The following OPLAH variants were observed in gnomAD, a reference collection of about 807,000 sequenced individuals.
OPLAH encodes 5-oxoprolinase, ATP-hydrolysing, also known as 5-oxoprolinase.
A neutral mutation model predicts 122.8 loss-of-function variants in OPLAH; 103 were observed. The ratio of observed to expected loss-of-function variants is 0.84; its 90% CI spans 0.71 to 0.99. OPLAH has a LOEUF of 0.99. Among genes scored for constraint, OPLAH ranks in the 50% least tolerant of loss-of-function variants. The probability of loss-of-function intolerance (pLI) is 0.00; values close to 1 mark genes in which losing one functional copy is unlikely to be tolerated. For synonymous variants in OPLAH, 875 were observed against 796.0 expected (o/e 1.10, Z -1.67); for missense variants, 1,902 against 1,836.5 (o/e 1.04, Z -0.65).
downstream of OPLAH, chr8:144,051,110 C>A: frequency 5.8e-6 from 8 of 1,383,482 alleles, no homozygotes; most frequent in Non-Finnish European, 7.5e-6. Flanking sequence ...ACTCCCGCCC[C>A]CAGGAGGTGG....
At chr8:144,053,449 C>G in intron 19 of OPLAH, 56 bp from the exon 20 acceptor site, 1 of 1,510,342 alleles carries the variant, frequency 6.6e-7, no homozygotes, top group South Asian at 1.3e-5. Context: ...CACCCCCAAC[C>G]CAGGTTTCCC....
chr8:144,052,787 G>A lies in OPLAH; in HGVS notation c.3132C>T (p.Gly1044=). The change falls in exon 22 of 27, where the codon GGC becomes GGT. Residue 1044 remains glycine (G), a synonymous_variant. Transcript: ENST00000618853. ...GAACCTGGTTGAGTGGGATGTCGCG[G>A]CCCACCAGACAGCGCAGGCAGTAGA... ...ALIYCLRCLV[G]RDIPLNQGCL... is the part of the protein sequence containing the mutation. 1 of 1,565,218 alleles carries A rather than the reference G, an allele frequency of 6.4e-7. No homozygotes were observed. The highest frequency in any genetic ancestry group is 8.6e-7 in the Non-Finnish European group (1 of 1,156,140).
Position 144,056,788 on chromosome 8 carries a change from A to C in OPLAH, c.1707-33T>G, listed in dbSNP as rs2129805077. 2.5e-6 allele frequency: 4 copies of C among 1,581,492 alleles called. No homozygotes were observed. In the East Asian group the frequency reaches 9.0e-5, roughly 36 times the overall value. On this transcript the variant is annotated intron_variant, in intron 12 of 26. Transcript: ENST00000618853. ...AGGTGGTTGGGGGCACTCACACCAA[A>C]CCCCCTGCCCTGACCCCACCCCACC... is the stretch of plus-strand genomic sequence containing the variant.
chr8:144,051,197 GTCC>G, downstream of OPLAH: 7 of 1,466,222 alleles, frequency 4.8e-6, no homozygotes, highest in Non-Finnish European at 6.3e-6. Context: ...GAGTCTCAGT[GTCC>G]TCCTAAGGCA....
At chr8:144,060,528 G>A (rs1259313680) in intron 1 of OPLAH, 125 bp downstream of exon 1, 5 of 153,934 alleles carry the variant, frequency 3.2e-5, no homozygotes, top group African/African-American at 1.2e-4. Flanking sequence ...GCACCGACGG[G>A]GCGACCCGAG....
chr8:144,052,937 C>G, intron 21 of OPLAH, 37 bp from the exon 22 acceptor site: 2 of 1,569,168 alleles, frequency 1.3e-6, no homozygotes, highest in Non-Finnish European at 1.7e-6. Context: ...CTGTCAGCGG[C>G]CGCACCGTGC....
rs1564292668 is a variant in OPLAH at position 144,057,849 on chromosome 8, C to T, written c.1156+7G>A. 1 of 1,610,548 alleles carries T rather than the reference C, an allele frequency of 6.2e-7. No individual in the cohort carries two copies. The highest frequency in any genetic ancestry group is 8.5e-7 in the Non-Finnish European group (1 of 1,179,000). On this transcript the variant is annotated splice_region_variant and intron_variant, in intron 9 of 26. Transcript: ENST00000618853. ...CAAGGCCAGGCCGGCCAGATCCTGACTCTTACCTTTGCGGTAGCAGGCGGG... is the reference window on the plus strand; with the variant it reads ...CAAGGCCAGGCCGGCCAGATCCTGATTCTTACCTTTGCGGTAGCAGGCGGG...
rs554252043 is a variant in OPLAH at position 144,055,098 on chromosome 8, C to T, written c.2340G>A (p.Gly780=). ...TGTGGGGGGCATTGGACACCAGCCC[C>T]CCATCGGGCCCAAAGAGGGCACAGG... ...DFSCALFGPD[G]GLVSNAPHIP... The change falls in exon 17 of 27, where the codon GGG becomes GGA. Residue 780 remains glycine (G), a synonymous_variant. Transcript: ENST00000618853. The surrounding 1 kb of genome is among the most constrained non-coding windows in gnomAD (Gnocchi z 6.5). The T allele has an allele frequency of 6.6e-5, 105 of 1,579,906 alleles. 1 individual carries two copies. In the Middle Eastern group the frequency reaches 6.9e-4, roughly 10 times the overall value.
At position 144,058,162 on chromosome 8, in the gene OPLAH, G is replaced by A. The variant is rs373571408; in HGVS notation, c.950-14C>T. On this transcript the variant is annotated splice_polypyrimidine_tract_variant and intron_variant, in intron 7 of 26. Coordinates refer to ENST00000618853, the MANE Select transcript of OPLAH (RefSeq NM_017570.5). ...CCGTGGACGTGCCTGGCAGGGGTGG[G>A]GTGCTGGTGGGTCACTTGAAGACCC... 6.2e-7 allele frequency: 1 copy of A among 1,611,694 alleles called. No homozygotes were observed. The highest frequency in any genetic ancestry group is 1.1e-5 in the South Asian group (1 of 91,028).
Position 144,054,405 on chromosome 8 carries a change from C to A in OPLAH, c.2686+156G>T, listed in dbSNP as rs537895446. ...TTCATCTCAGCTCCCGGGATCCGAT[C>A]TGCAGCTGCCCTTTGGGGTAACCAC... On this transcript the variant is annotated intron_variant, in intron 19 of 26. Transcript: ENST00000618853. Among the ~76,000 whole-genome samples the A allele has an allele frequency of 3.9e-5, 6 of 152,312 alleles. No homozygotes were observed. In the East Asian group the frequency reaches 1.2e-3, roughly 30 times the overall value.
chr8:144,056,440 C>G lies in OPLAH; in HGVS notation c.1928G>C (p.Gly643Ala). Residue 643 changes from glycine to alanine, a missense_variant, in exon 14 of 27, where the codon GGT becomes GCT. Coordinates refer to ENST00000618853, the MANE Select transcript of OPLAH (RefSeq NM_017570.5). The part of the protein sequence containing the change: ...DVRVRGTGRS[G>A]LRLEDAPKAQ... ...TTTGGGGGCATCCTCGAGGCGAAGA[C>G]CACTGCGGCCGGTGCCCCGCACTCG... The G allele has an allele frequency of 6.2e-7, 1 of 1,610,254 alleles. No individual in the cohort carries two copies. Among genetic ancestry groups the G allele is most frequent in the Non-Finnish European group, 8.5e-7 (1 of 1,178,890 alleles).
Position 144,054,862 on chromosome 8 carries a change from G to GGTT in OPLAH, c.2458_2460dup (p.Asn820dup), listed in dbSNP as rs1554758565. On this transcript the variant is annotated inframe_insertion, in exon 18 of 27. Transcript: ENST00000618853. ...AGGTGGCTGCCCCCGGCACTGGGAT[G>GGTT]GTTGCTCAGTAGCACGTCGCCAGGG... The GGTT allele has an allele frequency of 6.2e-7, 1 of 1,612,042 alleles. No homozygotes were observed. The highest frequency in any genetic ancestry group is 1.1e-5 in the South Asian group (1 of 91,058).
chr8:144,057,210 G>A lies in OPLAH; in HGVS notation c.1533C>T (p.His511=). 3 of 1,611,330 alleles carry A rather than the reference G, an allele frequency of 1.9e-6. No individual in the cohort carries two copies. The highest frequency in any genetic ancestry group is 2.5e-6 in the Non-Finnish European group (3 of 1,179,366). ...CGTGCACCCACACCCAGGCCCACCT[G>A]TGGATGTGCACCGTGTCCATGCCCA... is the stretch of plus-strand genomic sequence containing the variant. ...RALGMDTVHI[H]RHSGLLSALG... Residue 511 remains histidine, a splice_region_variant and synonymous_variant, in exon 11 of 27, where the codon CAC becomes CAT. Coordinates refer to ENST00000618853, the MANE Select transcript of OPLAH (RefSeq NM_017570.5).
In OPLAH at chr8:144,057,631, TCC is replaced by T; in HGVS notation, c.1237_1238del (p.Gly413ArgfsTer8). ...CCTCAGGGGAAAGTGGTTGGTTCTCTCCCGGCCCAAAAATGCAGGGGAAGGAG... is the reference window on the plus strand; with the variant it reads ...CCTCAGGGGAAAGTGGTTGGTTCTCTCGGCCCAAAAATGCAGGGGAAGGAG... ...PASFPCIFGP[G>X]ENQPLSPEAS... On this transcript the variant is annotated frameshift_variant, in exon 10 of 27. Coordinates refer to ENST00000618853, the MANE Select transcript of OPLAH (RefSeq NM_017570.5). LOFTEE classifies it high-confidence loss of function. 1.9e-6 allele frequency: 3 copies of T among 1,601,668 alleles called. No individual in the cohort carries two copies. The highest frequency in any genetic ancestry group is 1.7e-5 in the Admixed American group (1 of 58,618).
At position 144,053,200 on chromosome 8, in the gene OPLAH, C is replaced by A; in HGVS notation, c.2871+9G>T. The A allele has an allele frequency of 6.2e-7, 1 of 1,611,950 alleles. No homozygotes were observed. Among genetic ancestry groups the A allele is most frequent in the Non-Finnish European group, 8.5e-7 (1 of 1,179,496 alleles). On this transcript the variant is annotated intron_variant, in intron 20 of 26. Coordinates refer to ENST00000618853, the MANE Select transcript of OPLAH (RefSeq NM_017570.5). ...GCCCTGCCGCCCACACTCCTGTGCCCAGGCCCACCTGAATATGGCCCATGT... is the reference window on the plus strand; with the variant it reads ...GCCCTGCCGCCCACACTCCTGTGCCAAGGCCCACCTGAATATGGCCCATGT...
chr8:144,059,087 C>CG lies in OPLAH; in HGVS notation c.364-9dup. Reference sequence around the variant, plus strand: ...CTCAGGCATGGGCACGGCCTGGGGGCGGGCAGAGACTCAGAAGAGGCCCAG... The same window carrying CG: ...CTCAGGCATGGGCACGGCCTGGGGGCGGGGCAGAGACTCAGAAGAGGCCCAG... On this transcript the variant is annotated splice_polypyrimidine_tract_variant and intron_variant, in intron 3 of 26. Transcript: ENST00000618853. 2 of 1,565,628 alleles carry CG rather than the reference C, an allele frequency of 1.3e-6. No individual in the cohort carries two copies. The highest frequency in any genetic ancestry group is 2.3e-5 in the South Asian group (2 of 85,264).
At chr8:144,060,140 C>T in intron 1 of OPLAH, 55 bp from the exon 2 acceptor site, 2 of 1,287,596 alleles carry the variant, frequency 1.6e-6, no homozygotes, top group Non-Finnish European at 1.1e-6. Context: ...TAGAGGCTCC[C>T]CAGCCCTGCG....
chr8:144,061,538 C>G (rs1835663597), upstream of OPLAH, among the ~76,000 whole-genome samples: 1 of 151,806 alleles, frequency 6.6e-6, no homozygotes, highest in Non-Finnish European at 1.5e-5. Flanking sequence ...AAAAAAAACC[C>G]TGTATCTGAT....
chr8:144,062,114 G>A (rs1336518493), upstream of OPLAH, among the ~76,000 whole-genome samples: 1 of 151,958 alleles, frequency 6.6e-6, no homozygotes, highest in Non-Finnish European at 1.5e-5. Context: ...TAATAAACGT[G>A]CTTTCACTTT....
Sources: allele counts gnomAD v4.1 joint callset (sites outside exome capture counted in the v4.1 genomes callset), GRCh38; gene constraint gnomAD v4.1.1; non-coding constraint Gnocchi (gnomAD v3.1); transcripts MANE v1.5; gene names NCBI Gene and HGNC (gene_info 2026-07-23, HGNC 2026-07-21).